The following TMEM132D variants were observed in gnomAD, a reference collection of about 807,000 sequenced individuals.
TMEM132D encodes the protein transmembrane protein 132D, also known as mature OL transmembrane protein.
In TMEM132D, 21 loss-of-function variants were observed where a neutral mutation model predicts 62.3. The observed-to-expected ratio is 0.34, with a 90% CI of 0.24 to 0.49. TMEM132D has a LOEUF of 0.49. Among genes scored for constraint, TMEM132D ranks in the 20% least tolerant of loss-of-function variants. The pLI is 0.99. For synonymous variants in TMEM132D, 621 were observed against 575.6 expected, an observed-to-expected ratio of 1.08 and a Z score of -1.13; for missense variants, 1,346 against 1,402.8, an observed-to-expected ratio of 0.96 and a Z score of 0.65.
intron 4 of TMEM132D, among the ~76,000 whole-genome samples, chr12:129,228,210 A>G (rs1186419793): frequency 6.6e-6 from 1 of 152,140 alleles, no homozygotes; most frequent in East Asian, 1.9e-4. Context: ...GTTTAGCGGG[A>G]TGAGTCCAGT....
chr12:129,390,444 A>T (rs1469290070), intron 3 of TMEM132D, among the ~76,000 whole-genome samples: 1 of 150,974 alleles, frequency 6.6e-6, no homozygotes, highest in Non-Finnish European at 1.5e-5. Flanking sequence ...AGCTGGCTGG[A>T]GTCCACACTC....
At position 129,580,333 on chromosome 12, in the gene TMEM132D, C is replaced by T. The variant is rs77984600; in HGVS notation, c.969-49128G>A. ...CCTGTACAGGACTGGTCACCACATC[C>T]ACGCCTGCATTCGAGTTGAAATCGA... On this transcript the variant is annotated intron_variant, in intron 2 of 8. Transcript: ENST00000422113. Among the ~76,000 whole-genome samples the T allele has an allele frequency of 4.9e-4, 75 of 152,312 alleles. No individual in the cohort carries two copies. The South Asian group carries it at 6.6e-3, about 13-fold the overall frequency.
intron 2 of TMEM132D, among the ~76,000 whole-genome samples, chr12:129,578,431 T>C (rs11060445): frequency 6.6e-6 from 1 of 151,026 alleles, no homozygotes; most frequent in Non-Finnish European, 1.5e-5. Flanking sequence ...TGTGTATATA[T>C]ATATATGTAT....
intron 5 of TMEM132D, among the ~76,000 whole-genome samples, chr12:129,194,236 C>T (rs1342837657): frequency 2.6e-5 from 4 of 152,182 alleles, no homozygotes; most frequent in Admixed American, 2.6e-4. Flanking sequence ...CTAACCTCAC[C>T]CCTGTTTTCT....
rs201625551 is a variant in TMEM132D at position 129,432,158 on chromosome 12, C to G, written c.1116-94341G>C. ...GGATGGATGGATGGATGGATGGATG[C>G]TTGGATGGATGGATGGATGGATGGA... On this transcript the variant is annotated intron_variant, in intron 3 of 8. Transcript: ENST00000422113. Among the ~76,000 whole-genome samples the G allele has an allele frequency of 5.5e-3, 300 of 54,666 alleles. 2 individuals are homozygous for G. The highest frequency in any genetic ancestry group is 0.019 in the African/African-American group (245 of 12,758). 35.9% of individuals were successfully genotyped at this position (54,666 alleles called of 152,430 possible). A position where few individuals can be genotyped will look rare whatever the true frequency, so the allele number is the denominator to read the frequency against.
rs187507274 is a variant in TMEM132D at position 129,726,755 on chromosome 12, A to T, written c.80-26057T>A. ...CTACCAGTAGCAAGAGTTAGCATGGAGTCCTGGGGGTGATAAGTCACCAAC... is the reference window on the plus strand; with the variant it reads ...CTACCAGTAGCAAGAGTTAGCATGGTGTCCTGGGGGTGATAAGTCACCAAC... On this transcript the variant is annotated intron_variant, in intron 1 of 8. Coordinates refer to ENST00000422113, the MANE Select transcript of TMEM132D (RefSeq NM_133448.3). Among the ~76,000 whole-genome samples the T allele has an allele frequency of 2.0e-5, 3 of 152,246 alleles. No homozygotes were observed. The East Asian group carries it at 5.8e-4, about 29-fold the overall frequency.
In TMEM132D at chr12:129,090,482, T is replaced by C. The variant is rs530506560; in HGVS notation, c.1444-5780A>G. On this transcript the variant is annotated intron_variant, in intron 5 of 8. Coordinates refer to ENST00000422113, the MANE Select transcript of TMEM132D (RefSeq NM_133448.3). ...GAGTTCGAGACCAGCCTGGCCAACA[T>C]GGCAAAACCCCATCTCTACTAAAAA... Among the ~76,000 whole-genome samples, 13 of 152,152 alleles carry C rather than the reference T, an allele frequency of 8.5e-5. No individual in the cohort carries two copies. The East Asian group carries it at 2.1e-3, about 25-fold the overall frequency.
At chr12:129,659,061 T>C (rs962783893) in intron 2 of TMEM132D, among the ~76,000 whole-genome samples, 1 of 142,462 alleles carries the variant, frequency 7.0e-6, no homozygotes, top group Non-Finnish European at 1.5e-5. Context: ...TAACAATACA[T>C]GGCTAATTTT....
chr12:129,281,268 C>A, intron 4 of TMEM132D, among the ~76,000 whole-genome samples: 1 of 152,110 alleles, frequency 6.6e-6, no homozygotes, highest in East Asian at 1.9e-4. Context: ...TATCTTACCC[C>A]CACTTCAGAT....
rs553115930 is a variant in TMEM132D at position 129,330,625 on chromosome 12, G to A, written c.1299+7009C>T. On this transcript the variant is annotated intron_variant, in intron 4 of 8. Transcript: ENST00000422113. ...AGAGGAGGCAGAGAGACCTGAGACA[G>A]CACATTAGCATACTCTGCCCCGCTC... 2.6e-5 allele frequency among the ~76,000 whole-genome samples: 4 copies of A among 152,284 alleles called. No homozygotes were observed. In the South Asian group the frequency reaches 8.3e-4, roughly 32 times the overall value.
chr12:129,310,150 C>T (rs1232309553), intron 4 of TMEM132D, among the ~76,000 whole-genome samples: 2 of 152,014 alleles, frequency 1.3e-5, no homozygotes, highest in African/African-American at 2.4e-5. Context: ...CACAACTGTG[C>T]GTGATTGCTA....
chr12:129,770,937 G>GT (rs1870729258), intron 1 of TMEM132D, among the ~76,000 whole-genome samples: 1 of 152,244 alleles, frequency 6.6e-6, no homozygotes, highest in African/African-American at 2.4e-5. Flanking sequence ...ACTGTCTGTA[G>GT]TTGTCCTGTG....
intron 1 of TMEM132D, among the ~76,000 whole-genome samples, chr12:129,831,294 T>C (rs1345297055): frequency 6.6e-6 from 1 of 152,220 alleles, no homozygotes; most frequent in Non-Finnish European, 1.5e-5. Flanking sequence ...CAGATGACCC[T>C]TTCAAGGCTG....
intron 1 of TMEM132D, among the ~76,000 whole-genome samples, chr12:129,833,184 T>C (rs185289151): frequency 5.3e-5 from 8 of 152,356 alleles, no homozygotes; most frequent in Admixed American, 5.2e-4. Flanking sequence ...TGTCCTCGCA[T>C]TGATGTGTGA....
chr12:129,075,318 CT>C (rs541888959), intron 8 of TMEM132D, among the ~76,000 whole-genome samples: 2,059 of 143,466 alleles, frequency 0.014, 37 homozygotes, highest in African/African-American at 0.044. Context: ...AGAAGATTTG[CT>C]TTTTTTTTTT....
chr12:129,484,627 C>T (rs545253692), intron 3 of TMEM132D, among the ~76,000 whole-genome samples: 17 of 152,294 alleles, frequency 1.1e-4, no homozygotes, highest in African/African-American at 3.1e-4. Context: ...TCTTCCAACA[C>T]TGAATGTGGA....
At chr12:129,774,323 T>G (rs1870851316) in intron 1 of TMEM132D, among the ~76,000 whole-genome samples, 1 of 152,306 alleles carries the variant, frequency 6.6e-6, no homozygotes, top group Non-Finnish European at 1.5e-5. Context: ...CTCCCTCTAC[T>G]TCCTGGGCCC....
intron 1 of TMEM132D, among the ~76,000 whole-genome samples, chr12:129,881,699 A>G (rs555143791): frequency 2.6e-5 from 4 of 152,150 alleles, no homozygotes; most frequent in Admixed American, 2.6e-4. Context: ...AAAAGTCTCA[A>G]AAACTGATCT....
chr12:129,545,310 T>C (rs1272935054), intron 2 of TMEM132D, among the ~76,000 whole-genome samples: 2 of 152,162 alleles, frequency 1.3e-5, no homozygotes, highest in African/African-American at 4.8e-5. Flanking sequence ...TGAAGCAAGA[T>C]CTATGCCTGT....
Sources: gnomAD v4.1 joint callset for allele counts (sites outside exome capture counted in the v4.1 genomes callset) on GRCh38, gnomAD v4.1.1 for gene constraint, MANE v1.5 for transcripts, NCBI Gene and HGNC (gene_info 2026-07-23, HGNC 2026-07-21) for gene names.